CDH18: variants seen among roughly 807,000 people sequenced by gnomAD.
The protein encoded by CDH18 is cadherin 18, also known as cadherin-18.
Under a neutral mutation model 67.9 loss-of-function variants are expected in CDH18, and 31 were observed. The observed-to-expected ratio is 0.46, with a 90% CI of 0.34 to 0.62. The LOEUF (loss-of-function observed/expected upper bound fraction) is 0.62, where lower values mean the gene tolerates loss of function less well. Ranked by LOEUF, CDH18 falls within the 20% of genes least tolerant of loss-of-function variation. The pLI, the probability that CDH18 is intolerant of heterozygous loss-of-function variation, is 0.01. For synonymous variants in CDH18, 362 were observed against 347.2 expected, an observed-to-expected ratio of 1.04 and a Z score of -0.48; for missense variants, 890 against 975.5, an observed-to-expected ratio of 0.91 and a Z score of 1.17.
chr5:19,691,531 A>C (rs776350030), intron 5 of CDH18, among the ~76,000 whole-genome samples: 66 of 152,078 alleles, frequency 4.3e-4, no homozygotes, highest in Admixed American at 1.9e-3. Flanking sequence ...CAGATTAAAA[A>C]AATTAATTTG....
intron 1 of CDH18, among the ~76,000 whole-genome samples, chr5:20,286,410 T>C (rs1039670063): frequency 4.0e-5 from 6 of 151,604 alleles, no homozygotes; most frequent in African/African-American, 1.2e-4. Context: ...CTGATTTCTA[T>C]TGTGATAAAA....
intron 1 of CDH18, among the ~76,000 whole-genome samples, chr5:20,521,846 A>G (rs1214993490): frequency 6.6e-6 from 1 of 152,086 alleles, no homozygotes; most frequent in Non-Finnish European, 1.5e-5. Context: ...TGTATTTCCA[A>G]TAAAAATGTT....
At chr5:19,748,135 A>AAAAAAAAAAAAAAAATAAAAT (rs1770360306) in intron 3 of CDH18, among the ~76,000 whole-genome samples, 1 of 135,492 alleles carries the variant, frequency 7.4e-6, no homozygotes, top group Non-Finnish European at 1.6e-5. Context: ...AAAAAAAAAG[A>AAAAAAAAAAAAAAAATAAAAT]GTACTTTTTT....
chr5:20,001,415 GA>G (rs1290877287), intron 2 of CDH18, among the ~76,000 whole-genome samples: 2 of 150,372 alleles, frequency 1.3e-5, no homozygotes, highest in Non-Finnish European at 3.0e-5. Context: ...TTACTACCTT[GA>G]AAAAAAAACT....
chr5:19,871,060 T>C (rs745517361), intron 2 of CDH18, among the ~76,000 whole-genome samples: 16 of 152,226 alleles, frequency 1.1e-4, no homozygotes, highest in Non-Finnish European at 2.2e-4. Context: ...ATGAGATGAG[T>C]ACTAATATTT....
At chr5:19,797,088 G>A (rs542094514) in intron 3 of CDH18, among the ~76,000 whole-genome samples, 1 of 151,992 alleles carries the variant, frequency 6.6e-6, no homozygotes, top group South Asian at 2.1e-4. Context: ...AAAATAATTA[G>A]AGAAGGCATA....
At chr5:20,401,573 C>G (rs549187808) in intron 1 of CDH18, among the ~76,000 whole-genome samples, 2 of 152,270 alleles carry the variant, frequency 1.3e-5, no homozygotes, top group South Asian at 4.1e-4. Context: ...CCACATTCCT[C>G]TTTTCTTCTT....
intron 1 of CDH18, among the ~76,000 whole-genome samples, chr5:20,357,043 C>T (rs79804605): frequency 0.072 from 10,891 of 151,208 alleles, 556 homozygotes; most frequent in South Asian, 0.16. Flanking sequence ...AAAAAGAAGA[C>T]ATTTGATAAG....
chr5:19,685,946 C>A (rs1561043713), intron 5 of CDH18, among the ~76,000 whole-genome samples: 1 of 152,030 alleles, frequency 6.6e-6, no homozygotes, highest in Non-Finnish European at 1.5e-5. Context: ...CCCAAACTGA[C>A]TGCAAAGGAG....
At chr5:20,284,479 T>C (rs1317673323) in intron 1 of CDH18, among the ~76,000 whole-genome samples, 1 of 152,036 alleles carries the variant, frequency 6.6e-6, no homozygotes, top group Non-Finnish European at 1.5e-5. Flanking sequence ...TTAATCTACA[T>C]GCCTACCATA....
intron 10 of CDH18, among the ~76,000 whole-genome samples, chr5:19,506,486 T>A (rs1224362468): frequency 6.6e-6 from 1 of 152,164 alleles, no homozygotes; most frequent in East Asian, 1.9e-4. Context: ...GCTGGAGGCA[T>A]CATGCTACCT....
chr5:20,449,868 G>A (rs6884307), intron 1 of CDH18, among the ~76,000 whole-genome samples: 3 of 151,856 alleles, frequency 2.0e-5, no homozygotes, highest in Non-Finnish European at 4.4e-5. Context: ...ATGAGTAAAC[G>A]TTGATAATTT....
chr5:19,632,290 T>G (rs1053482397), intron 5 of CDH18, among the ~76,000 whole-genome samples: 2 of 152,224 alleles, frequency 1.3e-5, no homozygotes, highest in Admixed American at 1.3e-4. Context: ...AGTCAGTGAA[T>G]TCAGAATGGT....
chr5:20,522,298 C>A (rs1046143758), intron 1 of CDH18, among the ~76,000 whole-genome samples: 1 of 152,026 alleles, frequency 6.6e-6, no homozygotes, highest in Non-Finnish European at 1.5e-5. Flanking sequence ...ATTACAGTAC[C>A]CCTAGCAAAC....
intron 2 of CDH18, among the ~76,000 whole-genome samples, chr5:19,849,769 CATAT>C (rs72126043): frequency 8.8e-5 from 6 of 68,308 alleles, no homozygotes; most frequent in African/African-American, 2.1e-4. Flanking sequence ...TATATATAAA[CATAT>C]ATATATATAT....
At chr5:20,536,592 T>C (rs1756738117) in intron 1 of CDH18, among the ~76,000 whole-genome samples, 1 of 152,120 alleles carries the variant, frequency 6.6e-6, no homozygotes, top group Admixed American at 6.6e-5. Context: ...GAAATGGTTA[T>C]AATGGTGGTT....
intron 1 of CDH18, among the ~76,000 whole-genome samples, chr5:20,405,164 T>A (rs1003592188): frequency 6.6e-6 from 1 of 152,136 alleles, no homozygotes; most frequent in African/African-American, 2.4e-5. Context: ...GCTGGAGGCA[T>A]CACGCTACCC....
At chr5:20,223,638 T>C (rs941575626) in intron 2 of CDH18, among the ~76,000 whole-genome samples, 1 of 152,120 alleles carries the variant, frequency 6.6e-6, no homozygotes, top group Non-Finnish European at 1.5e-5. Flanking sequence ...AATTCTCATG[T>C]GTCATGGGAG....
intron 8 of CDH18, among the ~76,000 whole-genome samples, chr5:19,570,821 G>T (rs1741259459): frequency 6.6e-6 from 1 of 152,084 alleles, no homozygotes; most frequent in Non-Finnish European, 1.5e-5. Context: ...TATATGCTGG[G>T]CAATGTGTTA....
Sources: gnomAD v4.1 joint callset for allele counts (sites outside exome capture counted in the v4.1 genomes callset) on GRCh38, gnomAD v4.1.1 for gene constraint, MANE v1.5 for transcripts, NCBI Gene and HGNC (gene_info 2026-07-23, HGNC 2026-07-21) for gene names.